The following CDK17 variants were observed in gnomAD, a reference collection of about 807,000 sequenced individuals.
CDK17 encodes cyclin dependent kinase 17, also known as cyclin-dependent kinase 17.
A neutral mutation model predicts 77.6 loss-of-function variants in CDK17; 24 were observed. The ratio of observed to expected loss-of-function variants is 0.31; its 90% CI spans 0.22 to 0.44. The LOEUF is 0.44. Ranked by LOEUF, CDK17 falls within the 20% of genes least tolerant of loss-of-function variation. The probability of loss-of-function intolerance (pLI) is 1.00; values close to 1 mark genes in which losing one functional copy is unlikely to be tolerated. For missense variants in CDK17, 429 were observed against 622.5 expected, an observed-to-expected ratio of 0.69 and a Z score of 3.31; for synonymous variants, 203 against 210.4, an observed-to-expected ratio of 0.96 and a Z score of 0.30.
At chr12:96,349,798 G>A (rs997591643) in intron 1 of CDK17, among the ~76,000 whole-genome samples, 1 of 151,960 alleles carries the variant, frequency 6.6e-6, no homozygotes, top group Non-Finnish European at 1.5e-5. Flanking sequence ...AGAAATATAA[G>A]GCAGCCAAAT....
chr12:96,326,465 AG>A (rs1952892902), intron 2 of CDK17, among the ~76,000 whole-genome samples: 1 of 152,242 alleles, frequency 6.6e-6, no homozygotes, highest in Non-Finnish European at 1.5e-5. Context: ...TTTAAATGCA[AG>A]AAAGAGCCAG....
chr12:96,280,682 C>A (rs1357090423), intron 16 of CDK17, 126 bp downstream of exon 16: 5 of 1,463,164 alleles, frequency 3.4e-6, no homozygotes, highest in Non-Finnish European at 4.5e-6. Flanking sequence ...TAAACATAAA[C>A]AGTTGTGGAA....
Position 96,361,332 on chromosome 12 carries a change from G to C in CDK17, c.-29-26467C>G, listed in dbSNP as rs371796217. Among the ~76,000 whole-genome samples the C allele has an allele frequency of 3.9e-5, 6 of 152,272 alleles. No homozygotes were observed. The South Asian group carries it at 8.3e-4, about 21-fold the overall frequency. ...AACAGGAAGAAGAAGCAAACAAAAA[G>C]GAGAAAAGTCCTTTGTCCCTCCTCT... On this transcript the variant is annotated intron_variant, in intron 1 of 16. Coordinates refer to ENST00000261211, the MANE Select transcript of CDK17 (RefSeq NM_002595.5).
chr12:96,392,701 T>G (rs776063126), intron 1 of CDK17, among the ~76,000 whole-genome samples: 1 of 152,026 alleles, frequency 6.6e-6, no homozygotes, highest in Non-Finnish European at 1.5e-5. Context: ...TCAGTTTAGG[T>G]AAGGGAGCAC....
At chr12:96,367,854 TAA>T (rs11434289) in intron 1 of CDK17, among the ~76,000 whole-genome samples, 15 of 137,158 alleles carry the variant, frequency 1.1e-4, no homozygotes, top group Non-Finnish European at 1.4e-4. Flanking sequence ...CATCTCTACT[TAA>T]AAAAAAAAAA....
intron 1 of CDK17, among the ~76,000 whole-genome samples, chr12:96,370,808 T>C (rs1953678710): frequency 1.3e-5 from 2 of 152,242 alleles, no homozygotes; most frequent in South Asian, 4.1e-4. Flanking sequence ...ATAGTTTTTT[T>C]AAGATTTGTT....
intron 2 of CDK17, 140 bp from the exon 3 acceptor site, chr12:96,324,252 G>A (rs907225915): frequency 2.3e-6 from 1 of 438,260 alleles, no homozygotes; most frequent in Non-Finnish European, 3.9e-6. Context: ...ACTATACACA[G>A]TATTAAAATT....
chr12:96,376,856 T>G (rs1953788916), intron 1 of CDK17, among the ~76,000 whole-genome samples: 1 of 151,926 alleles, frequency 6.6e-6, no homozygotes, highest in South Asian at 2.1e-4. Flanking sequence ...AGAAACAGGA[T>G]AAGGAAAAAA....
chr12:96,390,351 G>A (rs1001265059), intron 1 of CDK17, among the ~76,000 whole-genome samples: 7 of 149,204 alleles, frequency 4.7e-5, no homozygotes, highest in Admixed American at 1.3e-4. Context: ...GGGTGGTCTC[G>A]AACTCCTGAG....
Position 96,311,193 on chromosome 12 carries a change from A to C in CDK17, c.418-16T>G. The stretch of plus-strand genomic sequence containing the variant: ...TATTTAAATCCTTAAAAAAAAAAAA[A>C]GGTAATCCAAAATAGTAAAGGCAAG... On this transcript the variant is annotated splice_polypyrimidine_tract_variant and intron_variant, in intron 4 of 16. Coordinates refer to ENST00000261211, the MANE Select transcript of CDK17 (RefSeq NM_002595.5). 6.6e-7 allele frequency: 1 copy of C among 1,513,200 alleles called. No individual in the cohort carries two copies. The highest frequency in any genetic ancestry group is 8.8e-7 in the Non-Finnish European group (1 of 1,138,748). 93.7% of individuals were successfully genotyped at this position (1,513,200 alleles called of 1,614,324 possible).
chr12:96,355,409 T>C (rs1036001550), intron 1 of CDK17, among the ~76,000 whole-genome samples: 1 of 143,592 alleles, frequency 7.0e-6, no homozygotes, highest in African/African-American at 2.6e-5. Flanking sequence ...TTTTTTTTTT[T>C]TTTTTTTTTT....
chr12:96,317,080 AAC>A (rs1490519829), intron 3 of CDK17, among the ~76,000 whole-genome samples: 1 of 132,628 alleles, frequency 7.5e-6, no homozygotes, highest in Non-Finnish European at 1.6e-5. Flanking sequence ...AAGAATGTAT[AAC>A]TAGAATAACC....
chr12:96,347,638 G>GAGGGGAGGGGA lies in CDK17; in HGVS notation c.-29-12784_-29-12774dup, dbSNP rs1555204276. On this transcript the variant is annotated intron_variant, in intron 1 of 16. Transcript: ENST00000261211. ...GAAGGGAGGGGAAGGGAGGGGAGGG[G>GAGGGGAGGGGA]AGGGGAGGGGAAGGGGAGGAAAGAA... 6.1e-3 allele frequency among the ~76,000 whole-genome samples: 395 copies of GAGGGGAGGGGA among 64,996 alleles called. 3 individuals carry two copies. The highest frequency in any genetic ancestry group is 0.028 in the Middle Eastern group (3 of 108). 42.6% of individuals were successfully genotyped at this position (64,996 alleles called of 152,430 possible).
intron 1 of CDK17, among the ~76,000 whole-genome samples, chr12:96,365,223 A>G (rs902345733): frequency 2.6e-5 from 4 of 152,220 alleles, no homozygotes; most frequent in Non-Finnish European, 5.9e-5. Context: ...CACAAAGTTG[A>G]TAATTCATTC....
At chr12:96,305,689 C>T (rs1238160847) in intron 5 of CDK17, among the ~76,000 whole-genome samples, 1 of 151,972 alleles carries the variant, frequency 6.6e-6, no homozygotes, top group Non-Finnish European at 1.5e-5. Flanking sequence ...GTTTGTTATA[C>T]AGAAAAGGAG....
At position 96,343,942 on chromosome 12, in the gene CDK17, T is replaced by G. The variant is rs539216920; in HGVS notation, c.-29-9077A>C. ...ACTGTCCTAAATATACTCAAAGAGC[T>G]GAAGGAAATCAGGAAAACAATGTAT... On this transcript the variant is annotated intron_variant, in intron 1 of 16. Coordinates refer to ENST00000261211, the MANE Select transcript of CDK17 (RefSeq NM_002595.5). Among the ~76,000 whole-genome samples the G allele has an allele frequency of 7.2e-5, 11 of 152,260 alleles. No individual in the cohort carries two copies. In the South Asian group the frequency reaches 2.3e-3, roughly 32 times the overall value.
intron 1 of CDK17, among the ~76,000 whole-genome samples, chr12:96,348,814 A>C (rs2137168130): frequency 6.6e-6 from 1 of 152,310 alleles, no homozygotes; most frequent in Non-Finnish European, 1.5e-5. Flanking sequence ...GCTGACAATC[A>C]GTATAAAACA....
chr12:96,286,620 C>T lies in CDK17; in HGVS notation c.1216+44G>A, dbSNP rs761650917. The T allele has an allele frequency of 1.2e-5, 16 of 1,353,526 alleles. No individual in the cohort carries two copies. The Middle Eastern group carries it at 1.1e-3, about 91-fold the overall frequency. The allele number at this position is 1,353,526 out of a possible 1,614,324, so 83.8% of individuals were successfully genotyped here. ...AGAGATACAGTCTTATCCAGCTAGT[C>T]AATTATGGGTGCAAAATCACTGGGA... On this transcript the variant is annotated intron_variant, in intron 12 of 16. Transcript: ENST00000261211.
intron 1 of CDK17, among the ~76,000 whole-genome samples, chr12:96,392,382 G>T (rs180949325): frequency 1.3e-5 from 2 of 152,010 alleles, no homozygotes; most frequent in East Asian, 1.9e-4. Context: ...ACGGAAAAAA[G>T]GATAAAATAA....
Sources: gnomAD v4.1 joint callset for allele counts (sites outside exome capture counted in the v4.1 genomes callset) on GRCh38, gnomAD v4.1.1 for gene constraint, MANE v1.5 for transcripts, NCBI Gene and HGNC (gene_info 2026-07-23, HGNC 2026-07-21) for gene names.